The following STK32C variants were observed in gnomAD, a reference collection of about 807,000 sequenced individuals.
STK32C encodes serine/threonine kinase 32C.
A neutral mutation model predicts 56.5 loss-of-function variants in STK32C; 31 were observed. The observed-to-expected ratio is 0.55, with a 90% CI of 0.41 to 0.74. The LOEUF is 0.74. Ranked by LOEUF, STK32C falls within the 30% of genes least tolerant of loss-of-function variation. STK32C has a pLI of 0.00. For synonymous variants in STK32C, 309 were observed against 289.4 expected, an observed-to-expected ratio of 1.07 and a Z score of -0.69; for missense variants, 544 against 676.9, an observed-to-expected ratio of 0.80 and a Z score of 2.18.
In STK32C at chr10:132,208,199, G is replaced by C. The variant is rs1048322849; in HGVS notation, c.1320-48C>G. The C allele has an allele frequency of 3.1e-6, 4 of 1,289,672 alleles. No individual in the cohort carries two copies. The African/African-American group carries it at 6.5e-5, about 21-fold the overall frequency. The allele number at this position is 1,289,672 out of a possible 1,614,324, so 79.9% of individuals were successfully genotyped here. ...AGGGCGTTATGCCCCCACCTCCCTGGCCTCACGGTCCCATGACCTGCCCAC... is the reference window on the plus strand; with the variant it reads ...AGGGCGTTATGCCCCCACCTCCCTGCCCTCACGGTCCCATGACCTGCCCAC... On this transcript the variant is annotated intron_variant, in intron 11 of 11. Coordinates refer to ENST00000298630, the MANE Select transcript of STK32C (RefSeq NM_173575.4).
chr10:132,316,684 C>T (rs2066316485), intron 1 of STK32C, among the ~76,000 whole-genome samples: 1 of 151,738 alleles, frequency 6.6e-6, no homozygotes, highest in Non-Finnish European at 1.5e-5. Flanking sequence ...TGTATAAAGC[C>T]CCAGGATTAC....
chr10:132,238,900 C>T (rs995274608), intron 2 of STK32C, among the ~76,000 whole-genome samples: 4 of 152,186 alleles, frequency 2.6e-5, no homozygotes, highest in Non-Finnish European at 4.4e-5. Context: ...CACAGAGGAG[C>T]GGGCACGCTG....
At chr10:132,247,664 G>A (rs1009665782) in intron 1 of STK32C, among the ~76,000 whole-genome samples, 1 of 152,184 alleles carries the variant, frequency 6.6e-6, no homozygotes, top group African/African-American at 2.4e-5. Flanking sequence ...CTGGTCCTGG[G>A]TGAAGTGGGA....
At chr10:132,263,328 T>C (rs2064369016) in intron 1 of STK32C, among the ~76,000 whole-genome samples, 1 of 152,088 alleles carries the variant, frequency 6.6e-6, no homozygotes, top group Admixed American at 6.5e-5. Context: ...CCTAAGCGAC[T>C]TAATGCAGGA....
chr10:132,331,325 G>A (rs2066720468), intron 1 of STK32C: 1 of 1,058,342 alleles, frequency 9.4e-7, no homozygotes, highest in South Asian at 1.6e-5. Flanking sequence ...ATCCTGGAAT[G>A]AAGGTGCACG....
intron 1 of STK32C, among the ~76,000 whole-genome samples, chr10:132,326,793 C>T (rs1274946034): frequency 6.6e-6 from 1 of 152,214 alleles, no homozygotes; most frequent in Non-Finnish European, 1.5e-5. Flanking sequence ...CAGTCCTCCA[C>T]TGCTGGTCAT....
chr10:132,237,372 A>C (rs2063331106), intron 2 of STK32C, among the ~76,000 whole-genome samples: 1 of 152,264 alleles, frequency 6.6e-6, no homozygotes, highest in Non-Finnish European at 1.5e-5. Context: ...TCGAGGGAAG[A>C]AAATGAGAAA....
downstream of STK32C, among the ~76,000 whole-genome samples, chr10:132,322,541 T>C (rs2066429794): frequency 6.6e-6 from 1 of 152,226 alleles, no homozygotes; most frequent in African/African-American, 2.4e-5. Flanking sequence ...AGGATGTGTA[T>C]AAACTCTTGC....
intron 1 of STK32C, among the ~76,000 whole-genome samples, chr10:132,285,731 A>T (rs2065379575): frequency 6.6e-6 from 1 of 152,278 alleles, no homozygotes; most frequent in Admixed American, 6.5e-5. Flanking sequence ...CAACAGACAT[A>T]GCGATAGATT....
At chr10:132,243,410 C>T (rs1382167900) in intron 2 of STK32C, among the ~76,000 whole-genome samples, 2 of 151,944 alleles carry the variant, frequency 1.3e-5, no homozygotes, top group East Asian at 1.9e-4. Context: ...GTGGGCTGGA[C>T]GGAAGTCTAT....
At chr10:132,216,019 T>C (rs1181010296) in intron 10 of STK32C, among the ~76,000 whole-genome samples, 1 of 152,234 alleles carries the variant, frequency 6.6e-6, no homozygotes, top group East Asian at 1.9e-4. Flanking sequence ...TGTGGAACTC[T>C]GAATTTGAGA....
At chr10:132,214,132 C>T (rs2062397291) in intron 10 of STK32C, among the ~76,000 whole-genome samples, 1 of 67,452 alleles carries the variant, frequency 1.5e-5, no homozygotes, top group South Asian at 6.0e-4. Context: ...AAATTAATGA[C>T]AGACACCAAA....
At position 132,224,457 on chromosome 10, in the gene STK32C, C is replaced by T. The variant is rs139671041; in HGVS notation, c.943G>A (p.Val315Ile). 218 of 1,567,170 alleles carry T rather than the reference C, an allele frequency of 1.4e-4. No homozygotes were observed. Among genetic ancestry groups the T allele is most frequent in the Admixed American group, 2.3e-4 (12 of 52,746 alleles). The change falls in exon 8 of 12, where the codon GTC becomes ATC. Residue 315 changes from valine to isoleucine, a missense_variant. Physicochemically the swap from Val to Ile is conservative, Grantham distance 29. This residue lies in a region of STK32C where 277 missense variants were observed against 309.3 expected (regional missense o/e 0.90). Coordinates refer to ENST00000298630, the MANE Select transcript of STK32C (RefSeq NM_173575.4). The stretch of plus-strand genomic sequence containing the variant: ...TTGGACCACGTGGGGACATACTGGA[C>T]GCTCACGGTGCTGAACAGCTGCACC... ...SLVQLFSTVS[V>I]QYVPTWSKEM...
At chr10:132,311,419 G>A (rs2066219623), upstream of STK32C, among the ~76,000 whole-genome samples, 1 of 152,238 alleles carries the variant, frequency 6.6e-6, no homozygotes, top group Non-Finnish European at 1.5e-5. This position sits in a 1 kb window ranked among gnomAD's most constrained non-coding sequence, Gnocchi z 4.4. Context: ...AGATGGCCGT[G>A]GCGCCCTCAG....
chr10:132,291,240 A>G (rs2065554712), intron 1 of STK32C, among the ~76,000 whole-genome samples: 1 of 152,198 alleles, frequency 6.6e-6, no homozygotes, highest in Non-Finnish European at 1.5e-5. Context: ...ATGTGAGTTC[A>G]TTTTGGCACA....
At chr10:132,252,116 C>T (rs2063932267) in intron 1 of STK32C, among the ~76,000 whole-genome samples, 1 of 152,272 alleles carries the variant, frequency 6.6e-6, no homozygotes, top group African/African-American at 2.4e-5. Context: ...GATCAGAAGT[C>T]TCTGGCCAAG....
At chr10:132,232,029 G>A (rs1473374518) in intron 2 of STK32C, among the ~76,000 whole-genome samples, 2 of 152,226 alleles carry the variant, frequency 1.3e-5, no homozygotes, top group African/African-American at 2.4e-5. Flanking sequence ...CACGCCTCCT[G>A]TGTCTCTGCA....
At chr10:132,311,465 T>C (rs1277179831), upstream of STK32C, among the ~76,000 whole-genome samples, 1 of 152,224 alleles carries the variant, frequency 6.6e-6, no homozygotes, top group Non-Finnish European at 1.5e-5. This position sits in a 1 kb window ranked among gnomAD's most constrained non-coding sequence, Gnocchi z 4.4. Flanking sequence ...TGAGGATTCT[T>C]GGAAGGCCAG....
chr10:132,264,057 G>A (rs1283614815), intron 1 of STK32C, among the ~76,000 whole-genome samples: 2 of 152,160 alleles, frequency 1.3e-5, no homozygotes, highest in East Asian at 3.8e-4. Context: ...AGAAGGCAGT[G>A]TGGTGGCTGC....
Sources: gnomAD v4.1 joint callset for allele counts (sites outside exome capture counted in the v4.1 genomes callset) on GRCh38, gnomAD v4.1.1 for gene constraint, gnomAD v4.1.1 regional missense constraint, Gnocchi (gnomAD v3.1) non-coding constraint, MANE v1.5 for transcripts, NCBI Gene and HGNC (gene_info 2026-07-23, HGNC 2026-07-21) for gene names.